The following CRACDL variants were observed in gnomAD, a reference collection of about 807,000 sequenced individuals.
CRACDL encodes the protein CRACD like, also known as CRACD-like protein.
CRACDL carries 26 observed loss-of-function variants against 70.6 expected under a neutral mutation model. That is an observed-to-expected ratio of 0.37 (90% CI 0.27 to 0.51). The LOEUF is 0.51. CRACDL is among the 20% of genes least tolerant of loss of function. CRACDL has a pLI of 0.94. For synonymous variants in CRACDL, 618 were observed against 615.2 expected (o/e 1.00, Z -0.07); for missense variants, 1,283 against 1,376.9 (o/e 0.93, Z 1.08).
At chr2:98,932,372 CAGTGTGAACTG>C (rs1368048692) in intron 1 of CRACDL, among the ~76,000 whole-genome samples, 1 of 152,186 alleles carries the variant, frequency 6.6e-6, no homozygotes, top group African/African-American at 2.4e-5. Flanking sequence ...CTTCCAAATC[CAGTGTGAACTG>C]AGTGTGAACT....
intron 7 of CRACDL, among the ~76,000 whole-genome samples, chr2:98,814,972 C>G (rs1187487887): frequency 6.6e-6 from 1 of 151,924 alleles, no homozygotes; most frequent in East Asian, 1.9e-4. Context: ...TTTCTGAAGT[C>G]TTCTTTGTGT....
chr2:98,915,069 G>A (rs1176568472), intron 1 of CRACDL, among the ~76,000 whole-genome samples: 1 of 152,216 alleles, frequency 6.6e-6, no homozygotes, highest in East Asian at 1.9e-4. Context: ...GTGGTTTTGA[G>A]GGGGTTGGCA....
intron 7 of CRACDL, among the ~76,000 whole-genome samples, chr2:98,819,785 C>A (rs957619936): frequency 2.0e-5 from 3 of 148,598 alleles, no homozygotes; most frequent in Admixed American, 6.7e-5. Flanking sequence ...CTCTGTCCCA[C>A]AATACACTGC....
At chr2:98,933,464 G>A (rs907721705) in intron 1 of CRACDL, among the ~76,000 whole-genome samples, 6 of 152,186 alleles carry the variant, frequency 3.9e-5, no homozygotes, top group African/African-American at 1.4e-4. Flanking sequence ...ACAGAACCAT[G>A]CACTGGGAAC....
chr2:98,822,087 G>T lies in CRACDL; in HGVS notation c.2186C>A (p.Pro729His). ...TCGAAGGGCGGGGGCCGTCCCGAGG[G>T]GACACTTCTCCTCCTTCGGGAGCAC... Reference protein sequence around the residue: ...LTVLPKEEKCPLGTAPALRGT... With the variant: ...LTVLPKEEKCHLGTAPALRGT... The change falls in exon 7 of 10, where the codon CCC becomes CAC. Residue 729 changes from proline to histidine, a missense_variant. This residue lies in a region of CRACDL where 921 missense variants were observed against 881.9 expected (regional missense o/e 1.04). Coordinates refer to ENST00000397899, the MANE Select transcript of CRACDL (RefSeq NM_207362.3). The surrounding 1 kb of genome is among the most constrained non-coding windows in gnomAD (Gnocchi z 4.9). The T allele has an allele frequency of 6.4e-7, 1 of 1,560,630 alleles. No homozygotes were observed. Among genetic ancestry groups the T allele is most frequent in the Non-Finnish European group, 8.7e-7 (1 of 1,152,256 alleles).
intron 1 of CRACDL, among the ~76,000 whole-genome samples, chr2:98,905,346 T>C (rs534152456): frequency 1.3e-5 from 2 of 151,960 alleles, no homozygotes; most frequent in South Asian, 2.1e-4. Context: ...CCTTCCACCA[T>C]GCTTGGAAGC....
intron 2 of CRACDL, among the ~76,000 whole-genome samples, chr2:98,846,220 T>C (rs1447909037): frequency 6.6e-6 from 1 of 152,202 alleles, no homozygotes; most frequent in Non-Finnish European, 1.5e-5. Context: ...TAGAAAGTCT[T>C]ATGAGATGGT....
chr2:98,887,692 C>T (rs761325567), intron 1 of CRACDL, among the ~76,000 whole-genome samples: 3 of 152,058 alleles, frequency 2.0e-5, no homozygotes, highest in Non-Finnish European at 2.9e-5. Flanking sequence ...TCAAAGAGAT[C>T]GACACCTAGA....
chr2:98,807,141 T>G (rs563378465), intron 7 of CRACDL, among the ~76,000 whole-genome samples: 1 of 152,268 alleles, frequency 6.6e-6, no homozygotes, highest in Admixed American at 6.5e-5. Context: ...CAGAGTCTTA[T>G]GGAACAAAGT....
intron 1 of CRACDL, among the ~76,000 whole-genome samples, chr2:98,892,668 C>T (rs569173907): frequency 1.3e-4 from 19 of 150,340 alleles, no homozygotes; most frequent in East Asian, 3.9e-4. Flanking sequence ...CCAGCCTGGG[C>T]GAAAGAGTGA....
At chr2:98,804,977 G>A (rs1278330353) in intron 7 of CRACDL, among the ~76,000 whole-genome samples, 3 of 152,186 alleles carry the variant, frequency 2.0e-5, no homozygotes, top group East Asian at 1.9e-4. Context: ...TGCCCACTAG[G>A]TGCCAGGCCC....
At chr2:98,832,287 G>A (rs1575363414) in intron 5 of CRACDL, 61 bp downstream of exon 5, 1 of 1,581,080 alleles carries the variant, frequency 6.3e-7, no homozygotes, top group Non-Finnish European at 8.7e-7. Flanking sequence ...GGATCTCAGA[G>A]CTCCAGCACC....
chr2:98,819,630 T>C (rs1704938156), intron 7 of CRACDL, among the ~76,000 whole-genome samples: 1 of 152,176 alleles, frequency 6.6e-6, no homozygotes. Flanking sequence ...GTTAGGAATT[T>C]AAAGCACTGT....
chr2:98,913,127 T>C (rs993300468), intron 1 of CRACDL: 2 of 152,202 alleles, frequency 1.3e-5, no homozygotes, highest in African/African-American at 4.8e-5. Context: ...CTCCAGAAGT[T>C]CAATGCAATC....
At chr2:98,827,331 C>A (rs1426797481) in intron 5 of CRACDL, among the ~76,000 whole-genome samples, 162 bp from the exon 6 acceptor site, 1 of 152,118 alleles carries the variant, frequency 6.6e-6, no homozygotes, top group East Asian at 1.9e-4. Context: ...AAGATGGAGT[C>A]TTGTTCTGTC....
intron 1 of CRACDL, among the ~76,000 whole-genome samples, chr2:98,867,152 A>T (rs1242166896): frequency 6.6e-6 from 1 of 152,230 alleles, no homozygotes; most frequent in Non-Finnish European, 1.5e-5. Flanking sequence ...CCATAGCTTC[A>T]TTCCAACACT....
At chr2:98,885,712 G>C (rs1707781884) in intron 1 of CRACDL, among the ~76,000 whole-genome samples, 1 of 152,184 alleles carries the variant, frequency 6.6e-6, no homozygotes, top group Admixed American at 6.5e-5. Flanking sequence ...AACTGAGATT[G>C]ACAGGTTCTG....
intron 1 of CRACDL, among the ~76,000 whole-genome samples, chr2:98,920,199 T>C (rs74757360): frequency 6.6e-6 from 1 of 152,190 alleles, no homozygotes; most frequent in Non-Finnish European, 1.5e-5. Context: ...ACGCTGAACA[T>C]CTCTACCTGT....
At chr2:98,866,620 C>T (rs1176627143) in intron 1 of CRACDL, among the ~76,000 whole-genome samples, 4 of 150,324 alleles carry the variant, frequency 2.7e-5, no homozygotes, top group East Asian at 2.0e-4. Flanking sequence ...CCTGAGTAGC[C>T]GGGATTACAG....
Sources: gnomAD v4.1 joint callset for allele counts (sites outside exome capture counted in the v4.1 genomes callset) on GRCh38, gnomAD v4.1.1 for gene constraint, gnomAD v4.1.1 regional missense constraint, Gnocchi (gnomAD v3.1) non-coding constraint, MANE v1.5 for transcripts, NCBI Gene and HGNC (gene_info 2026-07-23, HGNC 2026-07-21) for gene names.